ADAMTSL1: variants seen among roughly 807,000 people sequenced by gnomAD.
ADAMTSL1 encodes the protein ADAMTS like 1.
A neutral mutation model predicts 201.8 loss-of-function variants in ADAMTSL1; 126 were observed. The observed-to-expected ratio is 0.62, with a 90% confidence interval of 0.54 to 0.72. The LOEUF (loss-of-function observed/expected upper bound fraction) is 0.72. ADAMTSL1 is among the 30% of genes least tolerant of loss of function. ADAMTSL1 has a pLI of 0.00. For synonymous variants in ADAMTSL1, 1,121 were observed against 903.4 expected, an observed-to-expected ratio of 1.24 and a Z score of -4.32; for missense variants, 2,679 against 2,277.8, an observed-to-expected ratio of 1.18 and a Z score of -3.59.
At chr9:18,740,588 T>C (rs1236779755) in intron 15 of ADAMTSL1, among the ~76,000 whole-genome samples, 1 of 149,172 alleles carries the variant, frequency 6.7e-6, no homozygotes, top group Non-Finnish European at 1.5e-5. Flanking sequence ...GCGATTCTCC[T>C]GCCTCGCCCT....
rs573688519 is a variant in ADAMTSL1, at chr9:18,213,795, A to C, written c.207+49814A>C. Among the ~76,000 whole-genome samples, 10 of 152,196 alleles carry C rather than the reference A, an allele frequency of 6.6e-5. No individual in the cohort carries two copies. In the South Asian group the frequency reaches 1.9e-3, roughly 28 times the overall value. On this transcript the variant is annotated intron_variant, in intron 2 of 29. Transcript: ENST00000680146. ...CGCTCTGTCGCCCAGGCTGGAGTGCAGTGGTGCGATCTCGGTTCACTGCAA... is the reference window on the plus strand; with the variant it reads ...CGCTCTGTCGCCCAGGCTGGAGTGCCGTGGTGCGATCTCGGTTCACTGCAA...
chr9:18,174,219 G>T (rs1291771023), intron 2 of ADAMTSL1, among the ~76,000 whole-genome samples: 1 of 152,144 alleles, frequency 6.6e-6, no homozygotes, highest in Admixed American at 6.5e-5. Context: ...ATCTTCCCAA[G>T]GAGTCCCTTA....
chr9:18,820,043 A>C (rs1284954122), intron 21 of ADAMTSL1, among the ~76,000 whole-genome samples: 1 of 152,244 alleles, frequency 6.6e-6, no homozygotes, highest in Non-Finnish European at 1.5e-5. Flanking sequence ...CTGATTGGTT[A>C]GGTGGGATTC....
intron 2 of ADAMTSL1, among the ~76,000 whole-genome samples, chr9:18,429,295 C>T (rs756248584): frequency 6.6e-6 from 1 of 152,016 alleles, no homozygotes; most frequent in Non-Finnish European, 1.5e-5. Context: ...ATAGTTTTTA[C>T]CCATACTTTT....
At chr9:18,443,358 T>C (rs187554236) in intron 2 of ADAMTSL1, among the ~76,000 whole-genome samples, 10 of 152,350 alleles carry the variant, frequency 6.6e-5, no homozygotes, top group Non-Finnish European at 1.5e-4. Flanking sequence ...ACTTTTTGTC[T>C]TTCTCCTTCA....
At chr9:18,614,288 C>G (rs1057009515) in intron 4 of ADAMTSL1, among the ~76,000 whole-genome samples, 4 of 152,122 alleles carry the variant, frequency 2.6e-5, no homozygotes, top group African/African-American at 9.7e-5. Context: ...CTGCGTGTCT[C>G]TTCATTGCCA....
intron 23 of ADAMTSL1, among the ~76,000 whole-genome samples, chr9:18,864,621 G>A (rs1225936346): frequency 2.0e-5 from 3 of 152,194 alleles, no homozygotes; most frequent in African/African-American, 7.2e-5. Context: ...AGGAAGTGAA[G>A]CCAGAGATGC....
At chr9:18,558,463 T>A (rs1293024008) in intron 3 of ADAMTSL1, among the ~76,000 whole-genome samples, 1 of 152,224 alleles carries the variant, frequency 6.6e-6, no homozygotes, top group Non-Finnish European at 1.5e-5. Context: ...AGTGCTGGAA[T>A]AAACATATGT....
intron 20 of ADAMTSL1, among the ~76,000 whole-genome samples, chr9:18,815,608 T>G (rs978967731): frequency 6.7e-6 from 1 of 150,058 alleles, no homozygotes; most frequent in Non-Finnish European, 1.5e-5. Context: ...CCCAGGAGGC[T>G]TAGGTGGAAG....
chr9:18,446,531 A>G (rs1355689065), intron 2 of ADAMTSL1, among the ~76,000 whole-genome samples: 3 of 152,248 alleles, frequency 2.0e-5, no homozygotes, highest in African/African-American at 7.2e-5. Flanking sequence ...TGTGCAGGCA[A>G]TTGGGCTGAC....
intron 1 of ADAMTSL1, among the ~76,000 whole-genome samples, chr9:17,918,151 T>C (rs1253483640): frequency 6.6e-6 from 1 of 151,824 alleles, no homozygotes; most frequent in East Asian, 1.9e-4. Context: ...TGTTTTCTAT[T>C]TCACTCATTT....
chr9:18,482,056 G>A (rs1821755647), intron 1 of ADAMTSL1, among the ~76,000 whole-genome samples: 2 of 152,084 alleles, frequency 1.3e-5, no homozygotes, highest in Non-Finnish European at 2.9e-5. Context: ...TACTATATGA[G>A]GTTGTATCTC....
intron 26 of ADAMTSL1, among the ~76,000 whole-genome samples, chr9:18,905,066 G>A (rs1830225899): frequency 6.6e-6 from 1 of 152,194 alleles, no homozygotes; most frequent in Non-Finnish European, 1.5e-5. Flanking sequence ...CAAGTTAAGA[G>A]CCTTTGTTCT....
At chr9:18,171,253 A>G (rs1285050761) in intron 2 of ADAMTSL1, among the ~76,000 whole-genome samples, 1 of 152,072 alleles carries the variant, frequency 6.6e-6, no homozygotes, top group East Asian at 1.9e-4. Context: ...GCTGTTAGAG[A>G]TAATTGGTAA....
At chr9:18,052,796 TG>T (rs1563971582) in intron 1 of ADAMTSL1, among the ~76,000 whole-genome samples, 1 of 149,082 alleles carries the variant, frequency 6.7e-6, no homozygotes. Flanking sequence ...AGAGTGGGGG[TG>T]GGGGTGACAT....
At chr9:18,344,133 G>T (rs528057892) in intron 2 of ADAMTSL1, among the ~76,000 whole-genome samples, 20 of 152,174 alleles carry the variant, frequency 1.3e-4, no homozygotes, top group African/African-American at 4.8e-4. Flanking sequence ...TGTAAAAAAT[G>T]TTTTAATTAC....
intron 1 of ADAMTSL1, among the ~76,000 whole-genome samples, chr9:18,112,987 G>T (rs1825094778): frequency 2.6e-5 from 4 of 152,162 alleles, no homozygotes; most frequent in African/African-American, 9.7e-5. Flanking sequence ...GAAATCCCAG[G>T]TGTTCTAATG....
intron 1 of ADAMTSL1, among the ~76,000 whole-genome samples, chr9:17,916,484 T>A (rs2131281057): frequency 6.6e-6 from 1 of 152,284 alleles, no homozygotes; most frequent in African/African-American, 2.4e-5. Flanking sequence ...TTGAGTTAAT[T>A]TTTGCATATG....
At chr9:18,737,939 T>C (rs1818613162) in intron 15 of ADAMTSL1, among the ~76,000 whole-genome samples, 1 of 152,216 alleles carries the variant, frequency 6.6e-6, no homozygotes, top group African/African-American at 2.4e-5. Context: ...TACTGTGTCC[T>C]TGAGCAAGTC....
Sources: allele counts gnomAD v4.1 joint callset (sites outside exome capture counted in the v4.1 genomes callset), GRCh38; gene constraint gnomAD v4.1.1; transcripts MANE v1.5; gene names NCBI Gene and HGNC (gene_info 2026-07-23, HGNC 2026-07-21).